USH2A: variants seen among roughly 807,000 people sequenced by gnomAD.
USH2A encodes usherin.
In USH2A, 443 loss-of-function variants were observed where a neutral mutation model predicts 538.9. The observed-to-expected ratio is 0.82, with a 90% CI of 0.76 to 0.89. The LOEUF is 0.89. Ranked by LOEUF, USH2A falls within the 40% of genes least tolerant of loss-of-function variation. USH2A has a pLI of 0.00. For synonymous variants in USH2A, 2,413 were observed against 2,273.5 expected (o/e 1.06, Z -1.75); for missense variants, 6,633 against 6,324.8 (o/e 1.05, Z -1.65).
intron 21 of USH2A, among the ~76,000 whole-genome samples, chr1:216,149,571 G>GGGTA (rs1317735706): frequency 6.6e-6 from 1 of 152,102 alleles, no homozygotes; most frequent in Non-Finnish European, 1.5e-5. Flanking sequence ...AGATGCTACA[G>GGGTA]GGTACAGTCC....
intron 58 of USH2A, among the ~76,000 whole-genome samples, chr1:215,752,849 A>T (rs1660665872): frequency 6.6e-6 from 1 of 152,232 alleles, no homozygotes; most frequent in African/African-American, 2.4e-5. Context: ...ACTGCAAAAG[A>T]AACTACCATC....
chr1:215,838,764 C>T (rs1234249995), intron 46 of USH2A, among the ~76,000 whole-genome samples: 1 of 152,040 alleles, frequency 6.6e-6, no homozygotes, highest in South Asian at 2.1e-4. Flanking sequence ...AAAAGGAACA[C>T]GTTAACCAAG....
At chr1:216,374,851 G>T (rs529087955) in intron 3 of USH2A, among the ~76,000 whole-genome samples, 2 of 152,042 alleles carry the variant, frequency 1.3e-5, no homozygotes, top group African/African-American at 4.8e-5. Context: ...GGCTCATTTT[G>T]TACTTCCCCA....
intron 61 of USH2A, among the ~76,000 whole-genome samples, chr1:215,707,512 G>A (rs1167549081): frequency 6.6e-6 from 1 of 152,176 alleles, no homozygotes; most frequent in East Asian, 1.9e-4. Context: ...AGAGTGCTCT[G>A]AATGTGATCC....
At chr1:215,880,620 A>G (rs550825895) in intron 41 of USH2A, among the ~76,000 whole-genome samples, 7 of 152,276 alleles carry the variant, frequency 4.6e-5, no homozygotes, top group African/African-American at 9.6e-5. Flanking sequence ...TGGAGGTGCA[A>G]TGCTGTCTGT....
At chr1:215,810,930 CT>C (rs138865275) in intron 49 of USH2A, among the ~76,000 whole-genome samples, 3,500 of 151,836 alleles carry the variant, frequency 0.023, 63 homozygotes, top group Non-Finnish European at 0.037. Context: ...GCTATACAAA[CT>C]TTTTTTTTCT....
At chr1:215,991,519 C>G (rs1386413260) in intron 35 of USH2A, among the ~76,000 whole-genome samples, 1 of 152,144 alleles carries the variant, frequency 6.6e-6, no homozygotes, top group East Asian at 1.9e-4. Flanking sequence ...AAATGTCTAA[C>G]CATTGTACCA....
intron 32 of USH2A, among the ~76,000 whole-genome samples, chr1:216,025,698 A>C (rs1668948121): frequency 6.6e-6 from 1 of 152,114 alleles, no homozygotes; most frequent in Admixed American, 6.6e-5. Flanking sequence ...CCTTTATAGA[A>C]ACCATTTATT....
At chr1:215,797,509 G>A (rs910069433) in intron 50 of USH2A, among the ~76,000 whole-genome samples, 15 of 152,068 alleles carry the variant, frequency 9.9e-5, no homozygotes, top group African/African-American at 3.4e-4. Context: ...TCCTGCTGGG[G>A]GGCTAAAGCA....
At chr1:216,244,247 G>A (rs528057849) in intron 13 of USH2A, among the ~76,000 whole-genome samples, 32 of 152,130 alleles carry the variant, frequency 2.1e-4, no homozygotes, top group Non-Finnish European at 3.5e-4. Flanking sequence ...TGTGACATGT[G>A]TAGCTCCAGT....
intron 21 of USH2A, among the ~76,000 whole-genome samples, chr1:216,104,373 A>C (rs1244475975): frequency 2.0e-5 from 3 of 152,134 alleles, no homozygotes; most frequent in Admixed American, 2.0e-4. Flanking sequence ...AGCTTCATCC[A>C]TGTCCCTACA....
intron 44 of USH2A, among the ~76,000 whole-genome samples, chr1:215,859,243 A>G (rs968005685): frequency 2.0e-5 from 3 of 152,160 alleles, no homozygotes; most frequent in African/African-American, 7.2e-5. Context: ...AATTGAAAAT[A>G]TAGTATTCTC....
intron 21 of USH2A, among the ~76,000 whole-genome samples, chr1:216,146,218 T>C (rs905632901): frequency 7.2e-5 from 11 of 152,304 alleles, no homozygotes; most frequent in Non-Finnish European, 1.3e-4. Flanking sequence ...CCTTTTTTAC[T>C]CTCTTCTCCA....
At chr1:215,771,816 T>A (rs557418461) in intron 55 of USH2A, among the ~76,000 whole-genome samples, 18 of 152,072 alleles carry the variant, frequency 1.2e-4, no homozygotes, top group Non-Finnish European at 2.4e-4. Context: ...AGTTTCTATA[T>A]CTATAAACTG....
At chr1:216,159,822 T>C (rs1399651002) in intron 21 of USH2A, among the ~76,000 whole-genome samples, 1 of 152,120 alleles carries the variant, frequency 6.6e-6, no homozygotes, top group African/African-American at 2.4e-5. Flanking sequence ...TAACTATAGA[T>C]TTCATTTTTA....
At chr1:216,421,744 A>G in intron 2 of USH2A, 108 bp downstream of exon 2, 3 of 1,553,154 alleles carry the variant, frequency 1.9e-6, no homozygotes, top group Non-Finnish European at 2.7e-6. Flanking sequence ...CTTCAATACC[A>G]TGAATTCTAT....
intron 63 of USH2A, 151 bp downstream of exon 63, chr1:215,673,948 TG>T: frequency 7.5e-7 from 1 of 1,331,054 alleles, no homozygotes. Flanking sequence ...TGGGTGAGGA[TG>T]TGCTTTGTCT....
chr1:216,025,014 T>C (rs1668930205), intron 32 of USH2A, among the ~76,000 whole-genome samples: 1 of 151,978 alleles, frequency 6.6e-6, no homozygotes, highest in Admixed American at 6.6e-5. Flanking sequence ...TTTAGGTAAA[T>C]ACTAAAGTTT....
chr1:215,771,396 C>T (rs1197543219), intron 55 of USH2A, among the ~76,000 whole-genome samples: 157 of 150,124 alleles, frequency 1.0e-3, no homozygotes, highest in Non-Finnish European at 1.6e-3. Context: ...CCGGCTAAAA[C>T]GGTGAAACCC....
Sources: gnomAD v4.1 joint callset for allele counts (sites outside exome capture counted in the v4.1 genomes callset) on GRCh38, gnomAD v4.1.1 for gene constraint, MANE v1.5 for transcripts, NCBI Gene and HGNC (gene_info 2026-07-23, HGNC 2026-07-21) for gene names.